The following GRID2 variants were observed in gnomAD, a reference collection of about 807,000 sequenced individuals.
The protein encoded by GRID2 is glutamate ionotropic receptor delta type subunit 2.
In GRID2, 33 loss-of-function variants were observed where a neutral mutation model predicts 114.8. That is an observed-to-expected ratio of 0.29 (90% CI 0.22 to 0.38). The LOEUF is 0.38. GRID2 is among the 10% of genes least tolerant of loss of function. GRID2 has a pLI of 1.00. For missense variants in GRID2, 1,184 were observed against 1,257.7 expected (o/e 0.94, Z 0.89); for synonymous variants, 505 against 449.9 (o/e 1.12, Z -1.55).
intron 10 of GRID2, among the ~76,000 whole-genome samples, chr4:93,441,765 G>T (rs1721640536): frequency 6.6e-6 from 1 of 151,908 alleles, no homozygotes; most frequent in Non-Finnish European, 1.5e-5. Context: ...TCAGATTTCA[G>T]TTGTTCTAAG....
chr4:93,464,493 TA>T (rs11312419), intron 11 of GRID2, among the ~76,000 whole-genome samples: 70,573 of 151,928 alleles, frequency 0.46, 18,851 homozygotes, highest in African/African-American at 0.73. Context: ...TCTTCAACTT[TA>T]AAAAAATTGT....
chr4:93,127,141 T>C (rs936167623), intron 4 of GRID2, among the ~76,000 whole-genome samples: 1 of 152,232 alleles, frequency 6.6e-6, no homozygotes. Context: ...TTGTCTATCT[T>C]AATTAGGTAG....
intron 2 of GRID2, among the ~76,000 whole-genome samples, chr4:92,852,727 C>T (rs901432810): frequency 6.6e-6 from 1 of 151,844 alleles, no homozygotes; most frequent in Admixed American, 6.6e-5. Context: ...TGTAGCTCCT[C>T]GTGGCGCACT....
chr4:93,781,340 C>A (rs1188018434), intron 1 of GRID2, among the ~76,000 whole-genome samples: 1 of 151,220 alleles, frequency 6.6e-6, no homozygotes, highest in Non-Finnish European at 1.5e-5. Context: ...TGCGGTGAGG[C>A]CCACTGGGCT....
chr4:93,677,553 C>T (rs937042489), intron 14 of GRID2, among the ~76,000 whole-genome samples: 7 of 152,134 alleles, frequency 4.6e-5, no homozygotes, highest in South Asian at 2.1e-4. Context: ...ACTGACACCT[C>T]GCACGGCCGG....
At chr4:93,306,560 T>C (rs72876903) in intron 8 of GRID2, among the ~76,000 whole-genome samples, 3,467 of 152,230 alleles carry the variant, frequency 0.023, 136 homozygotes, top group African/African-American at 0.078. Flanking sequence ...GTGGTAGGGG[T>C]ATTGAGATGA....
At chr4:93,235,643 G>A (rs2149508664) in intron 7 of GRID2, among the ~76,000 whole-genome samples, 1 of 152,180 alleles carries the variant, frequency 6.6e-6, no homozygotes, top group African/African-American at 2.4e-5. Context: ...CATGAGGGAA[G>A]GTTTCACTGA....
intron 1 of GRID2, among the ~76,000 whole-genome samples, chr4:92,482,846 CTTATTT>C (rs1205243054): frequency 6.6e-6 from 1 of 152,082 alleles, no homozygotes; most frequent in Non-Finnish European, 1.5e-5. Context: ...ATATTAAATG[CTTATTT>C]TTATTATTAA....
intron 8 of GRID2, among the ~76,000 whole-genome samples, chr4:93,296,458 G>A (rs1754323886): frequency 1.3e-5 from 2 of 152,152 alleles, no homozygotes. Flanking sequence ...AAGCCTAACT[G>A]AAGTGGATCC....
At chr4:92,725,076 G>T (rs10213576) in intron 2 of GRID2, among the ~76,000 whole-genome samples, 1 of 152,056 alleles carries the variant, frequency 6.6e-6, no homozygotes, top group African/African-American at 2.4e-5. Context: ...CGAGAGGGGT[G>T]GATCACTTGA....
At chr4:93,018,244 A>T (rs1722960674) in intron 2 of GRID2, among the ~76,000 whole-genome samples, 1 of 150,314 alleles carries the variant, frequency 6.7e-6, no homozygotes, top group Admixed American at 6.7e-5. Flanking sequence ...AAAAACCTAC[A>T]AGGAAGTTTC....
Position 93,062,368 on chromosome 4 carries a change from G to A in GRID2, c.245-22627G>A, listed in dbSNP as rs532256599. ...GAAGAAGAGGAAGAGAAGTAATCTA[G>A]CAATTATAAAGTTGTCCTCATATCC... On this transcript the variant is annotated intron_variant, in intron 2 of 15. Coordinates refer to ENST00000282020, the MANE Select transcript of GRID2 (RefSeq NM_001510.4). Among the ~76,000 whole-genome samples, 12 of 152,114 alleles carry A rather than the reference G, an allele frequency of 7.9e-5. No homozygotes were observed. In the East Asian group the frequency reaches 2.1e-3, roughly 27 times the overall value.
intron 8 of GRID2, among the ~76,000 whole-genome samples, chr4:93,299,745 C>G (rs1754676175): frequency 1.3e-5 from 2 of 151,126 alleles, no homozygotes; most frequent in African/African-American, 4.9e-5. Context: ...ATTTCTTTAA[C>G]CTTCTCCTCT....
intron 13 of GRID2, among the ~76,000 whole-genome samples, chr4:93,601,559 C>A (rs1015445821): frequency 6.6e-6 from 1 of 152,120 alleles, no homozygotes; most frequent in African/African-American, 2.4e-5. Context: ...AAAAGTTCAG[C>A]CATGAAAAAG....
At chr4:93,183,893 C>A (rs1222909876) in intron 4 of GRID2, among the ~76,000 whole-genome samples, 1 of 152,164 alleles carries the variant, frequency 6.6e-6, no homozygotes, top group Non-Finnish European at 1.5e-5. Context: ...AAAATCAAAA[C>A]TGATTTTTAA....
intron 2 of GRID2, among the ~76,000 whole-genome samples, chr4:92,643,124 T>G (rs1319809034): frequency 6.6e-6 from 1 of 151,804 alleles, no homozygotes; most frequent in East Asian, 1.9e-4. Flanking sequence ...TTTTATTTTT[T>G]TAATTCTGTG....
intron 13 of GRID2, among the ~76,000 whole-genome samples, chr4:93,590,692 G>C (rs1738166774): frequency 6.6e-6 from 1 of 152,176 alleles, no homozygotes; most frequent in Admixed American, 6.5e-5. Context: ...CATGAGCATG[G>C]AATGTTCTTC....
chr4:93,803,291 T>G (rs1734967184), intron 1 of GRID2, among the ~76,000 whole-genome samples: 1 of 152,226 alleles, frequency 6.6e-6, no homozygotes, highest in Admixed American at 6.5e-5. Context: ...CATTTCAATA[T>G]CATTTATATA....
Position 93,667,332 on chromosome 4 carries a change from A to C in GRID2, c.2360+40897A>C, listed in dbSNP as rs377763018. On this transcript the variant is annotated intron_variant, in intron 14 of 15. Transcript: ENST00000282020. ...CATGGCATAATTACTAGGTAGAAGA[A>C]TCCTCTAACCAAGTACATCCAGGTA... 2.8e-4 allele frequency among the ~76,000 whole-genome samples: 42 copies of C among 151,990 alleles called. 1 individual carries two copies. The highest frequency in any genetic ancestry group is 9.6e-4 in the African/African-American group (40 of 41,492).
Sources: gnomAD v4.1 joint callset for allele counts (sites outside exome capture counted in the v4.1 genomes callset) on GRCh38, gnomAD v4.1.1 for gene constraint, MANE v1.5 for transcripts, NCBI Gene and HGNC (gene_info 2026-07-23, HGNC 2026-07-21) for gene names.